The following NALF1 variants were observed in gnomAD, a reference collection of about 807,000 sequenced individuals.
NALF1 encodes family with sequence similarity 155 member A.
In NALF1, 3 loss-of-function variants were observed where a neutral mutation model predicts 48.4. That is an observed-to-expected ratio of 0.06 (90% CI 0.03 to 0.16). NALF1 has a LOEUF of 0.16. NALF1 is among the 10% of genes least tolerant of loss of function. NALF1 has a pLI of 1.00. For missense variants in NALF1, 526 were observed against 571.5 expected (o/e 0.92, Z 0.81); for synonymous variants, 262 against 245.7 (o/e 1.07, Z -0.62).
chr13:107,372,350 T>G (rs982636148), intron 1 of NALF1, among the ~76,000 whole-genome samples: 7 of 152,260 alleles, frequency 4.6e-5, no homozygotes, highest in Admixed American at 3.9e-4. Flanking sequence ...TTGCAACAAT[T>G]AAAACTTCTA....
chr13:107,743,764 A>G (rs533141644), intron 1 of NALF1, among the ~76,000 whole-genome samples: 2 of 152,314 alleles, frequency 1.3e-5, no homozygotes, highest in African/African-American at 2.4e-5. Flanking sequence ...GCCTTGCAAA[A>G]AGGATTAGTA....
At chr13:107,757,966 A>G (rs1251486722) in intron 1 of NALF1, among the ~76,000 whole-genome samples, 1 of 152,164 alleles carries the variant, frequency 6.6e-6, no homozygotes, top group African/African-American at 2.4e-5. Context: ...ATTTTCCACT[A>G]TCAATTGTTC....
chr13:107,530,360 T>C (rs1386671899), intron 1 of NALF1, among the ~76,000 whole-genome samples: 2 of 152,168 alleles, frequency 1.3e-5, no homozygotes, highest in African/African-American at 2.4e-5. Context: ...CATGGATACT[T>C]TTAAGCTACT....
At chr13:107,736,129 T>C (rs554241377) in intron 1 of NALF1, among the ~76,000 whole-genome samples, 10 of 152,016 alleles carry the variant, frequency 6.6e-5, no homozygotes, top group Admixed American at 2.0e-4. Context: ...AAAACAAAGA[T>C]GATATTTTCA....
At chr13:107,653,792 A>G (rs1485154635) in intron 1 of NALF1, among the ~76,000 whole-genome samples, 1 of 152,092 alleles carries the variant, frequency 6.6e-6, no homozygotes, top group East Asian at 1.9e-4. Flanking sequence ...CACCACACAC[A>G]CAATAACAGA....
At chr13:107,556,985 T>C (rs533874315) in intron 1 of NALF1, among the ~76,000 whole-genome samples, 3 of 152,298 alleles carry the variant, frequency 2.0e-5, no homozygotes, top group South Asian at 4.1e-4. Context: ...AATTGTATAA[T>C]GTGATTTTTC....
chr13:107,360,803 G>T (rs1883047718), intron 1 of NALF1, among the ~76,000 whole-genome samples: 1 of 152,066 alleles, frequency 6.6e-6, no homozygotes, highest in Admixed American at 6.6e-5. Context: ...TAATAGGCTG[G>T]TTTTTAAGTA....
At chr13:107,805,234 G>A (rs1215785979) in intron 1 of NALF1, among the ~76,000 whole-genome samples, 4 of 152,044 alleles carry the variant, frequency 2.6e-5, no homozygotes, top group Non-Finnish European at 5.9e-5. Flanking sequence ...AATTTCATAG[G>A]TCACTTCACT....
intron 1 of NALF1, among the ~76,000 whole-genome samples, chr13:107,676,925 G>A (rs933149877): frequency 8.5e-5 from 13 of 152,136 alleles, no homozygotes; most frequent in Admixed American, 1.3e-4. Flanking sequence ...AATTCATCAG[G>A]ATACAAAATA....
chr13:107,825,118 T>C (rs1879474695), intron 1 of NALF1, among the ~76,000 whole-genome samples: 1 of 152,198 alleles, frequency 6.6e-6, no homozygotes, highest in African/African-American at 2.4e-5. Flanking sequence ...CAGTTATCAG[T>C]TCTTAAAACA....
intron 1 of NALF1, among the ~76,000 whole-genome samples, chr13:107,326,839 G>C (rs1388213545): frequency 1.3e-5 from 2 of 151,814 alleles, no homozygotes; most frequent in African/African-American, 2.4e-5. Context: ...GATCCAGCCA[G>C]GCTAGCCAGA....
intron 1 of NALF1, among the ~76,000 whole-genome samples, chr13:107,276,055 A>G (rs1210569426): frequency 6.6e-6 from 1 of 152,116 alleles, no homozygotes; most frequent in Non-Finnish European, 1.5e-5. Flanking sequence ...CGGATCCAAG[A>G]GAAAGACCAA....
At chr13:107,467,464 T>G (rs1885023423) in intron 1 of NALF1, among the ~76,000 whole-genome samples, 1 of 152,182 alleles carries the variant, frequency 6.6e-6, no homozygotes, top group Non-Finnish European at 1.5e-5. Context: ...TGAAATATAT[T>G]AAAATTTTCA....
intron 1 of NALF1, among the ~76,000 whole-genome samples, chr13:107,724,356 T>C (rs1418149617): frequency 2.1e-4 from 32 of 152,338 alleles, no homozygotes; most frequent in Non-Finnish European, 1.9e-4. Flanking sequence ...AAAAAAGAAA[T>C]CACCTTCTAG....
rs532860763 is a variant in NALF1 at position 107,526,318 on chromosome 13, C to T, written c.916-315563G>A. Among the ~76,000 whole-genome samples the T allele has an allele frequency of 3.9e-5, 6 of 152,212 alleles. No homozygotes were observed. The South Asian group carries it at 1.2e-3, about 32-fold the overall frequency. On this transcript the variant is annotated intron_variant, in intron 1 of 2. Coordinates refer to ENST00000375915, the MANE Select transcript of NALF1 (RefSeq NM_001080396.3). Reference sequence around the variant, plus strand: ...TGAACTCACCTCTTCTGTGAGGATTCATCTACTGAAAGCTTTTCCTGGCAG... The same window carrying T: ...TGAACTCACCTCTTCTGTGAGGATTTATCTACTGAAAGCTTTTCCTGGCAG...
chr13:107,498,164 T>C (rs1286874895), intron 1 of NALF1, among the ~76,000 whole-genome samples: 2 of 152,134 alleles, frequency 1.3e-5, no homozygotes, highest in Non-Finnish European at 2.9e-5. Flanking sequence ...GAAAAAAGAA[T>C]GCCTAAAGCT....
chr13:107,376,575 A>T (rs891629997), intron 1 of NALF1, among the ~76,000 whole-genome samples: 6 of 152,180 alleles, frequency 3.9e-5, no homozygotes, highest in African/African-American at 1.4e-4. Context: ...ACTCTCTGCA[A>T]ATGTAATCTG....
chr13:107,301,195 G>T (rs1396744836), intron 1 of NALF1, among the ~76,000 whole-genome samples: 1 of 152,064 alleles, frequency 6.6e-6, no homozygotes, highest in Non-Finnish European at 1.5e-5. Context: ...TACTTTTGTG[G>T]TTACTCACTG....
At chr13:107,614,258 C>T (rs1414024310) in intron 1 of NALF1, among the ~76,000 whole-genome samples, 2 of 152,158 alleles carry the variant, frequency 1.3e-5, no homozygotes, top group Non-Finnish European at 2.9e-5. Context: ...CTAATAACGC[C>T]GCCTTGTCTA....
Sources: allele counts gnomAD v4.1 joint callset (sites outside exome capture counted in the v4.1 genomes callset), GRCh38; gene constraint gnomAD v4.1.1; transcripts MANE v1.5; gene names NCBI Gene and HGNC (gene_info 2026-07-23, HGNC 2026-07-21).